Variants in RIN2 observed in about 807,000 individuals in gnomAD.
RIN2 encodes Ras and Rab interactor 2, also known as RAB5 interacting protein 2.
Under a neutral mutation model 78.0 loss-of-function variants are expected in RIN2, and 36 were observed. The observed-to-expected ratio is 0.46, with a 90% CI of 0.35 to 0.61. The LOEUF (loss-of-function observed/expected upper bound fraction) is 0.61. Among genes scored for constraint, RIN2 ranks in the 20% least tolerant of loss-of-function variants. The pLI is 0.00. For synonymous variants in RIN2, 466 were observed against 466.8 expected (o/e 1.00, Z 0.02); for missense variants, 1,087 against 1,159.7 (o/e 0.94, Z 0.91).
rs556836571 is a variant in RIN2, at chr20:19,884,924, T to TG, written c.-36-4641dup. The stretch of plus-strand genomic sequence containing the variant: ...ACTTGACCTGACAGGTCCTCTAGGG[T>TG]GAGTCACTTTTTCCTATTTCAGTCA... On this transcript the variant is annotated intron_variant, in intron 2 of 12. Transcript: ENST00000255006. Among the ~76,000 whole-genome samples, 4 of 152,178 alleles carry TG rather than the reference T, an allele frequency of 2.6e-5. No individual in the cohort carries two copies. In the South Asian group the frequency reaches 8.3e-4, roughly 32 times the overall value.
chr20:19,897,923 C>T (rs1484025592), intron 3 of RIN2, among the ~76,000 whole-genome samples: 3 of 152,008 alleles, frequency 2.0e-5, no homozygotes, highest in South Asian at 2.1e-4. Context: ...TTCGTTGCCC[C>T]GTCTGGTCTT....
intron 2 of RIN2, among the ~76,000 whole-genome samples, chr20:19,810,876 GTGTT>G: frequency 7.5e-6 from 1 of 133,434 alleles, no homozygotes; most frequent in African/African-American, 3.2e-5. Flanking sequence ...GTGTGTGTGT[GTGTT>G]TTTTTTTTTT....
At chr20:19,967,997 C>T (rs892994077) in intron 7 of RIN2, among the ~76,000 whole-genome samples, 2 of 152,290 alleles carry the variant, frequency 1.3e-5, no homozygotes, top group African/African-American at 2.4e-5. Context: ...GGGAGTTGAA[C>T]TCAGGCCTGC....
intron 1 of RIN2, among the ~76,000 whole-genome samples, chr20:19,793,159 A>G (rs1455821349): frequency 1.3e-5 from 2 of 152,220 alleles, no homozygotes; most frequent in Non-Finnish European, 2.9e-5. Flanking sequence ...CACATTTTAG[A>G]AAGTCAAAAG....
At chr20:19,809,263 G>A (rs1323400667) in intron 2 of RIN2, 3 of 152,402 alleles carry the variant, frequency 2.0e-5, no homozygotes, top group African/African-American at 4.8e-5. Context: ...CCAGGAAATT[G>A]TCAGATGGAA....
chr20:19,899,779 C>G (rs1191123398), intron 3 of RIN2, among the ~76,000 whole-genome samples: 1 of 152,158 alleles, frequency 6.6e-6, no homozygotes, highest in Non-Finnish European at 1.5e-5. Flanking sequence ...AAGTCACAGT[C>G]TTTTTATAAC....
intron 12 of RIN2, among the ~76,000 whole-genome samples, chr20:20,000,191 T>G (rs960481719): frequency 3.9e-5 from 6 of 152,224 alleles, no homozygotes; most frequent in Non-Finnish European, 7.3e-5. Context: ...AAACAAAAAG[T>G]GAGCACAGTA....
chr20:19,805,714 A>G (rs1871070868), intron 2 of RIN2, among the ~76,000 whole-genome samples: 1 of 149,422 alleles, frequency 6.7e-6, no homozygotes, highest in Non-Finnish European at 1.5e-5. Flanking sequence ...AGTTACAAGG[A>G]CTTTTTTTTT....
At chr20:19,760,074 G>C (rs552179754) in intron 1 of RIN2, among the ~76,000 whole-genome samples, 2 of 152,324 alleles carry the variant, frequency 1.3e-5, no homozygotes, top group South Asian at 4.1e-4. Flanking sequence ...GGAGGATATT[G>C]TCATAAGTGG....
chr20:19,883,936 C>T (rs1442808771), intron 2 of RIN2, among the ~76,000 whole-genome samples: 1 of 150,996 alleles, frequency 6.6e-6, no homozygotes, highest in Non-Finnish European at 1.5e-5. Flanking sequence ...AGGCACTGGA[C>T]ATTGTTCCTA....
Position 19,956,615 on chromosome 20 carries a change from C to T in RIN2, c.159C>T (p.Ser53=), listed in dbSNP as rs867005931. 2 of 1,612,840 alleles carry T rather than the reference C, an allele frequency of 1.2e-6. No individual in the cohort carries two copies. Among genetic ancestry groups the T allele is most frequent in the Non-Finnish European group, 8.5e-7 (1 of 1,179,410 alleles). Residue 53 remains serine, a splice_region_variant and synonymous_variant, in exon 5 of 13, where the codon AGC becomes AGT. Coordinates refer to ENST00000255006, the MANE Select transcript of RIN2 (RefSeq NM_018993.4). Reference sequence around the variant, plus strand: ...ACCGTGCCGCTTCTCTTTCTCCTAGCATGGTAAGACACAAGGATGGTGGCT... The same window carrying T: ...ACCGTGCCGCTTCTCTTTCTCCTAGTATGGTAAGACACAAGGATGGTGGCT... ...ENGLEPAETH[S]MVRHKDGGYS... is the part of the protein sequence containing the mutation.
chr20:19,894,429 A>T (rs2038625937), intron 3 of RIN2, among the ~76,000 whole-genome samples: 1 of 151,998 alleles, frequency 6.6e-6, no homozygotes, highest in Non-Finnish European at 1.5e-5. Context: ...TTCTCTTTTT[A>T]AAAAAATAGA....
intron 2 of RIN2, chr20:19,809,323 A>G (rs2035513452): frequency 6.6e-6 from 1 of 152,452 alleles, no homozygotes; most frequent in Non-Finnish European, 1.5e-5. Context: ...CAGGAATGAA[A>G]CAGTCATAAA....
chr20:19,797,776 C>T (rs531353532), intron 1 of RIN2, among the ~76,000 whole-genome samples: 15 of 151,826 alleles, frequency 9.9e-5, no homozygotes, highest in East Asian at 3.9e-4. Context: ...CTAACATTGA[C>T]GGTGGTGGCA....
intron 2 of RIN2, among the ~76,000 whole-genome samples, chr20:19,865,578 C>G (rs2037482046): frequency 6.6e-6 from 1 of 150,978 alleles, no homozygotes; most frequent in Admixed American, 6.6e-5. Flanking sequence ...GCCTCAAACT[C>G]CTGGGTTCAA....
At chr20:19,929,181 C>T (rs1334061033) in intron 3 of RIN2, among the ~76,000 whole-genome samples, 2 of 152,200 alleles carry the variant, frequency 1.3e-5, no homozygotes, top group Non-Finnish European at 2.9e-5. Context: ...GTGTAGTGAG[C>T]AGCACTCACT....
rs575638111 is a variant in RIN2, at chr20:19,810,390, A to G, written c.-37+10643A>G. ...GCCACTGCACTCCACCCTGGGTGAC[A>G]GAGTGAGACTCTGTCTCAAAGAAAT... On this transcript the variant is annotated intron_variant, in intron 2 of 12. Transcript: ENST00000255006. Among the ~76,000 whole-genome samples the G allele has an allele frequency of 2.0e-3, 308 of 152,254 alleles. 1 individual carries two copies. The highest frequency in any genetic ancestry group is 7.1e-3 in the African/African-American group (293 of 41,556).
chr20:19,788,197 T>C (rs1162348210), intron 1 of RIN2, among the ~76,000 whole-genome samples: 1 of 152,140 alleles, frequency 6.6e-6, no homozygotes, highest in Non-Finnish European at 1.5e-5. Context: ...TTATTCACTG[T>C]CACCTTATAG....
intron 2 of RIN2, chr20:19,886,708 C>T: frequency 6.5e-7 from 1 of 1,543,382 alleles, no homozygotes; most frequent in Non-Finnish European, 8.7e-7. Context: ...CTTTACCCTT[C>T]AGGGAAGCCA....
Sources: gnomAD v4.1 joint callset for allele counts (sites outside exome capture counted in the v4.1 genomes callset) on GRCh38, gnomAD v4.1.1 for gene constraint, MANE v1.5 for transcripts, NCBI Gene and HGNC (gene_info 2026-07-23, HGNC 2026-07-21) for gene names.